ANO2: variants seen among roughly 807,000 people sequenced by gnomAD.
ANO2 encodes the protein anoctamin 2, also known as anoctamin-2.
In ANO2, 101 loss-of-function variants were observed where a neutral mutation model predicts 124.2. The ratio of observed to expected loss-of-function variants is 0.81; its 90% confidence interval spans 0.69 to 0.96. The LOEUF (loss-of-function observed/expected upper bound fraction) is 0.96, where lower values mean the gene tolerates loss of function less well. ANO2 is among the 40% of genes least tolerant of loss of function. The probability of loss-of-function intolerance (pLI) is 0.00; values close to 1 mark genes in which losing one functional copy is unlikely to be tolerated. For synonymous variants in ANO2, 486 were observed against 482.5 expected (o/e 1.01, Z -0.09); for missense variants, 1,293 against 1,274.5 (o/e 1.01, Z -0.22).
At chr12:5,935,175 A>AT (rs1824267598) in intron 1 of ANO2, among the ~76,000 whole-genome samples, 1 of 152,226 alleles carries the variant, frequency 6.6e-6, no homozygotes, top group South Asian at 2.1e-4. Context: ...AGTGAGCTTA[A>AT]TGGGCTAGTT....
At chr12:5,593,993 T>A (rs955538625) in intron 20 of ANO2, among the ~76,000 whole-genome samples, 5 of 152,150 alleles carry the variant, frequency 3.3e-5, no homozygotes, top group Non-Finnish European at 5.9e-5. Flanking sequence ...ATAAAAGAGA[T>A]GAACGAAACC....
Position 5,612,724 on chromosome 12 carries a change from G to T in ANO2, c.2019C>A (p.Cys673Ter), listed in dbSNP as rs1725997093. Reference sequence around the variant, plus strand: ...CCAACATGATGATGCTGAGCTGAATGCAGAGCTCCATGAGACAGCCCCCTG... The same window carrying T: ...CCAACATGATGATGCTGAGCTGAATTCAGAGCTCCATGAGACAGCCCCCTG... Reference protein sequence around the residue: ...CAPGGCLMELCIQLSIIMLGK... With the variant: ...CAPGGCLMEL The change falls in exon 19 of 25, where the codon TGC becomes TGA. Residue 673 changes from cysteine to a stop codon, truncating the protein, a stop_gained. Coordinates refer to ENST00000682330, the MANE Select transcript of ANO2 (RefSeq NM_001364791.2). LOFTEE classifies it high-confidence loss of function. The T allele has an allele frequency of 6.2e-7, 1 of 1,613,814 alleles. No homozygotes were observed. Among genetic ancestry groups the T allele is most frequent in the South Asian group, 1.1e-5 (1 of 91,072 alleles).
At chr12:5,605,184 G>A (rs569164574) in intron 19 of ANO2, among the ~76,000 whole-genome samples, 8 of 152,246 alleles carry the variant, frequency 5.3e-5, no homozygotes, top group Middle Eastern at 3.4e-3. Context: ...CCACTTCTAA[G>A]CTATGTATTC....
rs536576118 is a variant in ANO2 at position 5,709,987 on chromosome 12, C to T, written c.1545+22533G>A. ...CTTGAACACGCTTTGGGTGAGTGAG[C>T]TGAGTTAGGTAGTTGGAGTTGAGGA... On this transcript the variant is annotated intron_variant, in intron 14 of 24. Transcript: ENST00000682330. 2.2e-4 allele frequency among the ~76,000 whole-genome samples: 33 copies of T among 152,250 alleles called. No homozygotes were observed. In the South Asian group the frequency reaches 4.6e-3, roughly 21 times the overall value.
At chr12:5,861,508 A>G (rs1955269129) in intron 3 of ANO2, among the ~76,000 whole-genome samples, 1 of 152,216 alleles carries the variant, frequency 6.6e-6, no homozygotes, top group South Asian at 2.1e-4. Flanking sequence ...TAGAGAGACA[A>G]TAGTGAGCGG....
intron 23 of ANO2, among the ~76,000 whole-genome samples, chr12:5,566,594 C>G (rs1941775034): frequency 6.6e-6 from 1 of 152,180 alleles, no homozygotes. Flanking sequence ...GTCAGGCCAC[C>G]AAGCAATGAT....
intron 3 of ANO2, among the ~76,000 whole-genome samples, chr12:5,894,528 C>G (rs1939639001): frequency 6.6e-6 from 1 of 152,118 alleles, no homozygotes; most frequent in African/African-American, 2.4e-5. Context: ...CTTTTGTGGC[C>G]AAAAGCTTTT....
Position 5,922,689 on chromosome 12 carries a change from TG to T in ANO2, c.137del (p.Pro46GlnfsTer121). The T allele has an allele frequency of 6.4e-7, 1 of 1,569,784 alleles. No individual in the cohort carries two copies. ...QCLKMPGPRA[P>X]GLQGGSNRDP... ...CTCTGTTGGAACCGCCCTGCAGACC[TG>T]GGGCCCGGGGACCTGGCATCTTGAG... On this transcript the variant is annotated frameshift_variant, in exon 2 of 25. Coordinates refer to ENST00000682330, the MANE Select transcript of ANO2 (RefSeq NM_001364791.2). LOFTEE classifies it high-confidence loss of function.
intron 3 of ANO2, among the ~76,000 whole-genome samples, chr12:5,884,214 A>G (rs1341339128): frequency 6.6e-6 from 1 of 152,204 alleles, no homozygotes; most frequent in African/African-American, 2.4e-5. Flanking sequence ...CAGTGATTCT[A>G]GCTGCCACCA....
At position 5,877,701 on chromosome 12, in the gene ANO2, T is replaced by G. The variant is rs575090849; in HGVS notation, c.535-23560A>C. Among the ~76,000 whole-genome samples the G allele has an allele frequency of 2.6e-5, 4 of 152,364 alleles. No individual in the cohort carries two copies. The South Asian group carries it at 8.3e-4, about 32-fold the overall frequency. On this transcript the variant is annotated intron_variant, in intron 3 of 24. Transcript: ENST00000682330. ...AACCTTTTTGGCACCAGGGACTAGT[T>G]TCTTGGAAGACCATTTTTGCATGGA...
intron 12 of ANO2, among the ~76,000 whole-genome samples, 197 bp from the exon 13 acceptor site, chr12:5,739,596 TACACAC>T (rs71064167): frequency 3.8e-4 from 55 of 145,170 alleles, no homozygotes; most frequent in South Asian, 9.3e-4. Flanking sequence ...ATAGATATGT[TACACAC>T]ACACACACAC....
intron 14 of ANO2, among the ~76,000 whole-genome samples, chr12:5,731,125 A>G (rs547788858): frequency 1.3e-5 from 2 of 152,386 alleles, no homozygotes; most frequent in East Asian, 1.9e-4. Flanking sequence ...TGTGATTTCC[A>G]TAAAATTATC....
intron 3 of ANO2, among the ~76,000 whole-genome samples, chr12:5,918,122 T>C (rs938334795): frequency 6.6e-6 from 1 of 152,102 alleles, no homozygotes; most frequent in Admixed American, 6.5e-5. Flanking sequence ...CGAGAATGCA[T>C]CTTCACCTTG....
At chr12:5,771,677 G>A (rs905221874) in intron 10 of ANO2, among the ~76,000 whole-genome samples, 4 of 152,166 alleles carry the variant, frequency 2.6e-5, no homozygotes, top group Non-Finnish European at 4.4e-5. Flanking sequence ...CTACTCGGGA[G>A]GCTGAGGCAG....
chr12:5,759,628 T>G (rs1951681807), intron 10 of ANO2, among the ~76,000 whole-genome samples: 1 of 148,864 alleles, frequency 6.7e-6, no homozygotes. Context: ...TGCACACTTC[T>G]TATGAGAATC....
chr12:5,881,159 A>G (rs1460240162), intron 3 of ANO2, among the ~76,000 whole-genome samples: 1 of 152,174 alleles, frequency 6.6e-6, no homozygotes, highest in Admixed American at 6.5e-5. Flanking sequence ...AAAACACTTT[A>G]TAACTATTCT....
At chr12:5,580,833 G>T (rs1942708883) in intron 20 of ANO2, among the ~76,000 whole-genome samples, 1 of 152,178 alleles carries the variant, frequency 6.6e-6, no homozygotes. Flanking sequence ...TGTCCTTGGT[G>T]CCCAGTAGGT....
At chr12:5,798,006 G>T (rs1340526731) in intron 10 of ANO2, among the ~76,000 whole-genome samples, 1 of 152,196 alleles carries the variant, frequency 6.6e-6, no homozygotes, top group Non-Finnish European at 1.5e-5. Flanking sequence ...GTCACCTGAA[G>T]TCTCTGCGGG....
At chr12:5,600,028 G>A (rs372565588) in intron 19 of ANO2, among the ~76,000 whole-genome samples, 3 of 152,150 alleles carry the variant, frequency 2.0e-5, no homozygotes, top group East Asian at 1.9e-4. Context: ...CATTTTTCAG[G>A]TCTCAATAAC....
Sources: allele counts gnomAD v4.1 joint callset (sites outside exome capture counted in the v4.1 genomes callset), GRCh38; gene constraint gnomAD v4.1.1; transcripts MANE v1.5; gene names NCBI Gene and HGNC (gene_info 2026-07-23, HGNC 2026-07-21).